ZNF45: variants seen among roughly 807,000 people sequenced by gnomAD.
ZNF45 encodes the protein BRC1744.
A neutral mutation model predicts 12.0 loss-of-function variants in ZNF45; 4 were observed. That is an observed-to-expected ratio of 0.33 (90% CI 0.16 to 0.76). The LOEUF is 0.76. Among genes scored for constraint, ZNF45 ranks in the 30% least tolerant of loss-of-function variants. The pLI, the probability that ZNF45 is intolerant of heterozygous loss-of-function variation, is 0.60. For synonymous variants in ZNF45, 272 were observed against 279.6 expected (o/e 0.97, Z 0.27); for missense variants, 700 against 813.0 (o/e 0.86, Z 1.69).
intron 3 of ZNF45, among the ~76,000 whole-genome samples, chr19:43,928,969 T>G (rs1973907008): frequency 6.6e-6 from 1 of 152,268 alleles, no homozygotes; most frequent in African/African-American, 2.4e-5. Flanking sequence ...TTGATTTTCA[T>G]AACGATGATA....
intron 7 of ZNF45, 73 bp downstream of exon 7, chr19:43,922,096 CAA>C (rs1973232284): frequency 2.0e-5 from 30 of 1,483,514 alleles, no homozygotes; most frequent in Middle Eastern, 3.6e-4. Flanking sequence ...ATCTTCCTAA[CAA>C]AGAGAATAAG....
In ZNF45 at chr19:43,912,627, G is replaced by A. The variant is rs1382403372; in HGVS notation, c.*760C>T. On this transcript the variant is annotated 3_prime_UTR_variant, in exon 10 of 10. Transcript: ENST00000269973. ...TCATAATACTTGGCACTGGAGGTGG[G>A]ATTGACTGGAAATGGGCACAAGAAA... 2.0e-5 allele frequency: 3 copies of A among 152,172 alleles called. No individual in the cohort carries two copies. The highest frequency in any genetic ancestry group is 4.4e-5 in the Non-Finnish European group (3 of 68,034). The allele number at this position is 152,172 out of a possible 1,614,324, so 9.4% of individuals were successfully genotyped here. A position where few individuals can be genotyped will look rare whatever the true frequency, so the allele number is the denominator to read the frequency against.
In ZNF45 at chr19:43,914,317, T is replaced by TG; in HGVS notation, c.1118dup (p.His374ThrfsTer18). 6.2e-7 allele frequency: 1 copy of TG among 1,612,510 alleles called. No individual in the cohort carries two copies. Among genetic ancestry groups the TG allele is most frequent in the Non-Finnish European group, 8.5e-7 (1 of 1,179,204 alleles). On this transcript the variant is annotated frameshift_variant, in exon 10 of 10. Transcript: ENST00000269973. LOFTEE classifies it low-confidence loss of function (END_TRUNC). ...GGCTTATCTGATGGGCCTGAAGGTG[T>TG]GAACCCACACTGAAACCTTTCCCAC... is the stretch of plus-strand genomic sequence containing the variant.
intron 7 of ZNF45, among the ~76,000 whole-genome samples, chr19:43,921,941 T>G (rs1191541249): frequency 2.0e-5 from 3 of 152,208 alleles, no homozygotes; most frequent in Non-Finnish European, 4.4e-5. Flanking sequence ...TGAGAGATTT[T>G]TATTGTTACT....
At chr19:43,915,237 G>A (rs1480462331) in intron 9 of ZNF45, 37 bp from the exon 10 acceptor site, 1 of 1,458,150 alleles carries the variant, frequency 6.9e-7, no homozygotes, top group Non-Finnish European at 9.0e-7. Context: ...TGGGGCATGT[G>A]AATAATGTTT....
Position 43,929,304 on chromosome 19 carries a change from C to G in ZNF45, c.-400+3300G>C, listed in dbSNP as rs559867903. 4.6e-5 allele frequency among the ~76,000 whole-genome samples: 7 copies of G among 152,346 alleles called. No homozygotes were observed. The East Asian group carries it at 1.3e-3, about 29-fold the overall frequency. The stretch of plus-strand genomic sequence containing the variant: ...AGCTCCCGGCTCTCTCCAGATATGC[C>G]CTCTCAGTGGGAAAGGATCCCTGCC... On this transcript the variant is annotated intron_variant, in intron 3 of 9. Transcript: ENST00000269973.
At chr19:43,923,949 T>C (rs379785) in intron 6 of ZNF45, among the ~76,000 whole-genome samples, 70,859 of 142,246 alleles carry the variant, frequency 0.5, 18,075 homozygotes, top group East Asian at 0.81. Flanking sequence ...GCCAACAGAG[T>C]GATCTCTAAA....
In ZNF45 at chr19:43,914,695, T is replaced by C. The variant is rs754880194; in HGVS notation, c.741A>G (p.Pro247=). Reference sequence around the variant, plus strand: ...TCCTCCCACACTCTTCATATTTGTATGGATTCTCTCCAGTGGGAACTCTCT... The same window carrying C: ...TCCTCCCACACTCTTCATATTTGTACGGATTCTCTCCAGTGGGAACTCTCT... The part of the protein sequence containing the change: ...HHQRVPTGEN[P]YKYEECGRNV... The change falls in exon 10 of 10, where the codon CCA becomes CCG. Residue 247 remains proline (P), a synonymous_variant. Transcript: ENST00000269973. The C allele has an allele frequency of 5.0e-6, 8 of 1,614,214 alleles. No homozygotes were observed. Among genetic ancestry groups the C allele is most frequent in the Non-Finnish European group, 5.1e-6 (6 of 1,180,022 alleles).
At position 43,919,675 on chromosome 19, in the gene ZNF45, C is replaced by T. The variant is rs751693476; in HGVS notation, c.40G>A (p.Ala14Thr). 5 of 1,612,400 alleles carry T rather than the reference C, an allele frequency of 3.1e-6. No individual in the cohort carries two copies. The Admixed American group carries it at 8.3e-5, about 27-fold the overall frequency. The change falls in exon 8 of 10, where the codon GCT (alanine) becomes ACT (threonine). Residue 14 changes from alanine to threonine, a missense_variant. By Grantham distance (58) the Ala-to-Thr change is moderately conservative. Transcript: ENST00000269973. ...SKEAVTFKDV[A>T]VVFSEEELQL... The stretch of plus-strand genomic sequence containing the variant: ...AGCTCCTCCTCAGAGAAGACCACAG[C>T]CACGTCCTTGAATGTCACTGCCTCC...
intron 9 of ZNF45, 28 bp downstream of exon 9, chr19:43,918,842 A>G (rs1424439540): frequency 6.3e-7 from 1 of 1,593,272 alleles, no homozygotes; most frequent in East Asian, 2.2e-5. Context: ...TAACAGAAAA[A>G]TGTCCAGCAG....
rs1972420389 is a variant in ZNF45 at position 43,913,963 on chromosome 19, AC to A, written c.1472del (p.Cys491LeufsTer49). 6.2e-6 allele frequency: 10 copies of A among 1,613,162 alleles called. No individual in the cohort carries two copies. Among genetic ancestry groups the A allele is most frequent in the Admixed American group, 3.3e-5 (2 of 59,944 alleles). On this transcript the variant is annotated frameshift_variant, in exon 10 of 10. Coordinates refer to ENST00000269973, the MANE Select transcript of ZNF45 (RefSeq NM_003425.4). LOFTEE classifies it low-confidence loss of function (END_TRUNC). ...AGGGTTTCTCTCCTGTGTGGATTCT[AC>A]AGTGTACATTAAGATCTGAGCTCCG... ...FSRSSDLNVHCRIHTGEKPYK... is the reference protein window; with the variant it reads ...FSRSSDLNVHXRIHTGEKPYK...
At position 43,922,108 on chromosome 19, in the gene ZNF45, G is replaced by A. The variant is rs184394406; in HGVS notation, c.15+63C>T. The A allele has an allele frequency of 7.7e-6, 12 of 1,554,302 alleles. No individual in the cohort carries two copies. The African/African-American group carries it at 1.6e-4, about 21-fold the overall frequency. On this transcript the variant is annotated intron_variant, in intron 7 of 9. Transcript: ENST00000269973. ...TTCATCTTCCTAACAAAGAGAATAA[G>A]GTGTATGTAATCTTTCCGAAATGAG...
rs1972354844 is a variant in ZNF45, at chr19:43,913,362, C to T, written c.*25G>A. On this transcript the variant is annotated 3_prime_UTR_variant, in exon 10 of 10. Transcript: ENST00000269973. ...CTCTGATTATTAAAATATTTCAGCA[C>T]CCATCTGAGATAGTAAAACATATTT... 1 of 1,521,082 alleles carries T rather than the reference C, an allele frequency of 6.6e-7. No individual in the cohort carries two copies. Among genetic ancestry groups the T allele is most frequent in the South Asian group, 1.3e-5 (1 of 74,936 alleles). The allele number at this position is 1,521,082 out of a possible 1,614,324, so 94.2% of individuals were successfully genotyped here.
At chr19:43,933,823 T>A (rs1974318078) in intron 2 of ZNF45, among the ~76,000 whole-genome samples, 1 of 152,202 alleles carries the variant, frequency 6.6e-6, no homozygotes, top group Non-Finnish European at 1.5e-5. Flanking sequence ...ATTTTCTACA[T>A]CCTGTACAGA....
At position 43,913,451 on chromosome 19, in the gene ZNF45, T is replaced by C. The variant is rs1368863188; in HGVS notation, c.1985A>G (p.His662Arg). ...SSSLIIHQRV[H>R]ADDEGDKDFP... ...GTCCTTGTCACCCTCATCATCAGCA[T>C]GGACTCGCTGATGAATGATAAGACT... The change falls in exon 10 of 10, where the codon CAT (histidine) becomes CGT (arginine). Residue 662 changes from histidine (H) to arginine (R), a missense_variant. Physicochemically the swap from His to Arg is conservative, Grantham distance 29. Coordinates refer to ENST00000269973, the MANE Select transcript of ZNF45 (RefSeq NM_003425.4). 1.2e-6 allele frequency: 2 copies of C among 1,602,912 alleles called. No homozygotes were observed. The highest frequency in any genetic ancestry group is 1.7e-6 in the Non-Finnish European group (2 of 1,173,968).
intron 9 of ZNF45, among the ~76,000 whole-genome samples, chr19:43,916,884 T>C (rs1332645152): frequency 6.6e-6 from 1 of 151,584 alleles, no homozygotes; most frequent in Non-Finnish European, 1.5e-5. Flanking sequence ...TAAGAATTAC[T>C]TAGGAAAAAA....
chr19:43,921,686 T>G (rs972368340), intron 7 of ZNF45, among the ~76,000 whole-genome samples: 1 of 152,182 alleles, frequency 6.6e-6, no homozygotes, highest in African/African-American at 2.4e-5. Context: ...AGTAACAATT[T>G]TCAGTAAAAA....
intron 9 of ZNF45, among the ~76,000 whole-genome samples, chr19:43,915,590 G>C (rs1157064035): frequency 1.3e-5 from 2 of 152,220 alleles, no homozygotes; most frequent in Non-Finnish European, 2.9e-5. Flanking sequence ...AGGTGAGCGG[G>C]AGGCCAGTGG....
intron 3 of ZNF45, chr19:43,929,845 C>T (rs73567634): frequency 0.025 from 3,845 of 152,240 alleles, 182 homozygotes; most frequent in African/African-American, 0.087. Context: ...TACCATGGCC[C>T]CTGTTGGTTC....
Sources: allele counts gnomAD v4.1 joint callset (sites outside exome capture counted in the v4.1 genomes callset), GRCh38; gene constraint gnomAD v4.1.1; transcripts MANE v1.5; gene names NCBI Gene and HGNC (gene_info 2026-07-23, HGNC 2026-07-21).